Variants in RNH1 observed in about 807,000 individuals in gnomAD.
The protein encoded by RNH1 is ribonuclease inhibitor.
In RNH1, 38 loss-of-function variants were observed where a neutral mutation model predicts 46.1. The observed-to-expected ratio is 0.82, with a 90% CI of 0.64 to 1.08. The LOEUF is 1.08. Among genes scored for constraint, RNH1 ranks in the 50% least tolerant of loss-of-function variants. The probability of loss-of-function intolerance (pLI) is 0.00; values close to 1 mark genes in which losing one functional copy is unlikely to be tolerated. For synonymous variants in RNH1, 319 were observed against 279.1 expected (o/e 1.14, Z -1.43); for missense variants, 577 against 590.7 (o/e 0.98, Z 0.24).
At position 499,044 on chromosome 11, in the gene RNH1, C is replaced by T. The variant is rs1274675177; in HGVS notation, c.585G>A (p.Lys195=). 6.2e-7 allele frequency: 1 copy of T among 1,613,164 alleles called. No individual in the cohort carries two copies. Among genetic ancestry groups the T allele is most frequent in the Non-Finnish European group, 8.5e-7 (1 of 1,179,962 alleles). Residue 195 remains lysine (K), a synonymous_variant, in exon 6 of 11, where the codon AAG becomes AAA. Coordinates refer to ENST00000354420, the MANE Select transcript of RNH1 (RefSeq NM_203387.3). The stretch of plus-strand genomic sequence containing the variant: ...GCGCCTCCAGCTGGCAGGGGGAGTC[C>T]TTCAGGCCCTGGCACAGCACACGGA... ...AGVRVLCQGL[K]DSPCQLEALK...
intron 10 of RNH1, 26 bp from the exon 11 acceptor site, chr11:494,804 T>A (rs763030920): frequency 6.2e-7 from 1 of 1,612,828 alleles, no homozygotes; most frequent in Non-Finnish European, 8.5e-7. Context: ...AAGGGAGGCA[T>A]GGGCCCGTGT....
At chr11:495,548 C>T (rs1468491920) in intron 9 of RNH1, among the ~76,000 whole-genome samples, 1 of 152,184 alleles carries the variant, frequency 6.6e-6, no homozygotes, top group Non-Finnish European at 1.5e-5. Flanking sequence ...CACCCACTTC[C>T]CGGGGTGGAG....
At position 494,885 on chromosome 11, in the gene RNH1, C is replaced by G. The variant is rs752282410; in HGVS notation, c.1296G>C (p.Leu432=). The change falls in exon 10 of 11, where the codon CTG becomes CTC. Residue 432 remains leucine (L), a splice_region_variant and synonymous_variant. Transcript: ENST00000354420. ...ACCCGCCCAGCGCGTGCACATACAC[C>G]AGCTGCTCCAGGAGGCAGCCCGGCT... The part of the protein sequence containing the change: ...VRQPGCLLEQ[L]VLYDIYWSEE... The G allele has an allele frequency of 6.2e-7, 1 of 1,612,032 alleles. No homozygotes were observed. Among genetic ancestry groups the G allele is most frequent in the Non-Finnish European group, 8.5e-7 (1 of 1,179,444 alleles).
rs756445384 is a variant in RNH1 at position 500,840 on chromosome 11, C to T, written c.102-186G>A. 376 of 774,364 alleles carry T rather than the reference C, an allele frequency of 4.9e-4. 2 individuals carry two copies. The highest frequency in any genetic ancestry group is 1.0e-4 in the Admixed American group (5 of 49,854). 48.0% of individuals were successfully genotyped at this position (774,364 alleles called of 1,614,324 possible). On this transcript the variant is annotated intron_variant, in intron 3 of 10. Coordinates refer to ENST00000354420, the MANE Select transcript of RNH1 (RefSeq NM_203387.3). Reference sequence around the variant, plus strand: ...CCATGAAAGTTTTGTTTAAGATGCTCGCACGTGGCCAGGCGCGGTGGCTCA... The same window carrying T: ...CCATGAAAGTTTTGTTTAAGATGCTTGCACGTGGCCAGGCGCGGTGGCTCA...
intron 9 of RNH1, among the ~76,000 whole-genome samples, chr11:496,050 TC>T (rs71462085): frequency 0.091 from 13,804 of 151,806 alleles, 853 homozygotes; most frequent in Admixed American, 0.17. Context: ...CCACAAGACA[TC>T]AGGACAGGCT....
In RNH1 at chr11:495,048, G is replaced by A. The variant is rs867719923; in HGVS notation, c.1133C>T (p.Ala378Val). The A allele has an allele frequency of 2.5e-6, 4 of 1,603,486 alleles. No individual in the cohort carries two copies. The highest frequency in any genetic ancestry group is 2.2e-5 in the East Asian group (1 of 44,566). ...GCTGCTGTCACTCACATCGCAGTCG[G>A]CCAACCTGGGTGAAGCAGGGCGGGG... Reference protein sequence around the residue: ...PGSVLRVLWLADCDVSDSSCS... With the variant: ...PGSVLRVLWLVDCDVSDSSCS... The change falls in exon 10 of 11, where the codon GCC becomes GTC. Residue 378 changes from alanine to valine, a missense_variant. Ala to Val is a moderately conservative substitution (Grantham distance 64). Coordinates refer to ENST00000354420, the MANE Select transcript of RNH1 (RefSeq NM_203387.3).
intron 9 of RNH1, among the ~76,000 whole-genome samples, chr11:496,884 G>A (rs991146857): frequency 5.9e-5 from 9 of 152,272 alleles, no homozygotes; most frequent in South Asian, 2.1e-4. Flanking sequence ...GGTGGGCGGG[G>A]CTTCCAGGAA....
At chr11:506,514 C>G (rs1233418383) in intron 1 of RNH1, 2 of 152,220 alleles carry the variant, frequency 1.3e-5, no homozygotes, top group Non-Finnish European at 1.5e-5. Flanking sequence ...GCTTCGCGGC[C>G]CGGCGTCCGG....
rs1219447433 is a variant in RNH1 at position 502,713 on chromosome 11, A to C, written c.-87-464T>G. On this transcript the variant is annotated intron_variant, in intron 2 of 10. Transcript: ENST00000354420. The surrounding 1 kb of genome is among the most constrained non-coding windows in gnomAD (Gnocchi z 5.8). ...ACCTCCCAGGATGCCAGGATCCTGG[A>C]CCCGGCCACAGTGTCCGAAGCAAGA... The C allele has an allele frequency of 1.2e-5, 2 of 162,458 alleles. No individual in the cohort carries two copies. The highest frequency in any genetic ancestry group is 2.7e-5 in the Non-Finnish European group (2 of 73,348). 10.1% of individuals were successfully genotyped at this position (162,458 alleles called of 1,614,324 possible).
intron 4 of RNH1, 109 bp from the exon 5 acceptor site, chr11:500,108 C>A (rs1849606332): frequency 1.6e-6 from 2 of 1,264,164 alleles, no homozygotes; most frequent in Non-Finnish European, 2.1e-6. Context: ...CAGGTCTATA[C>A]CTGCTCCTTC....
In RNH1 at chr11:502,913, A is replaced by C. The variant is rs1419421911; in HGVS notation, c.-87-664T>G. 1 of 152,392 alleles carries C rather than the reference A, an allele frequency of 6.6e-6. No individual in the cohort carries two copies. Among genetic ancestry groups the C allele is most frequent in the Non-Finnish European group, 1.5e-5 (1 of 68,210 alleles). 9.4% of individuals were successfully genotyped at this position (152,392 alleles called of 1,614,324 possible). A position where few individuals can be genotyped will look rare whatever the true frequency, so the allele number is the denominator to read the frequency against. On this transcript the variant is annotated intron_variant, in intron 2 of 10. Transcript: ENST00000354420. The surrounding 1 kb of genome is among the most constrained non-coding windows in gnomAD (Gnocchi z 5.8). Reference sequence around the variant, plus strand: ...GATGGGCACAGCTGCTACACCCTGAAGCCTCCCCAGGCACAGGCCCTGAAT... The same window carrying C: ...GATGGGCACAGCTGCTACACCCTGACGCCTCCCCAGGCACAGGCCCTGAAT...
rs1047569798 is a variant in RNH1 at position 507,175 on chromosome 11, C to G, written c.-323G>C. The stretch of plus-strand genomic sequence containing the variant: ...CCAGAGCGAGACGGCCTACTTCGTT[C>G]TCGAGCCAGCAGAACGGGTTGAACG... On this transcript the variant is annotated 5_prime_UTR_variant, in exon 1 of 11. Transcript: ENST00000354420. The G allele has an allele frequency of 6.6e-6, 1 of 152,240 alleles. No individual in the cohort carries two copies. Among genetic ancestry groups the G allele is most frequent in the Non-Finnish European group, 1.5e-5 (1 of 68,068 alleles). The allele number at this position is 152,240 out of a possible 1,614,324, so 9.4% of individuals were successfully genotyped here. A position where few individuals can be genotyped will look rare whatever the true frequency, so the allele number is the denominator to read the frequency against.
chr11:506,391 C>T (rs973725740), intron 1 of RNH1: 1 of 152,274 alleles, frequency 6.6e-6, no homozygotes, highest in Non-Finnish European at 1.5e-5. Flanking sequence ...CCCAGTAACA[C>T]GACGTGCCTG....
rs1453813619 is a variant in RNH1, at chr11:494,666, A to T, written c.*25T>A. ...AGGGTTGCCTCGAGGCCGGTCGTCC[A>T]GGGAGAGCAGCAGCAGGAAGAGCCT... On this transcript the variant is annotated 3_prime_UTR_variant, in exon 11 of 11. Coordinates refer to ENST00000354420, the MANE Select transcript of RNH1 (RefSeq NM_203387.3). 1 of 1,610,086 alleles carries T rather than the reference A, an allele frequency of 6.2e-7. No homozygotes were observed. The highest frequency in any genetic ancestry group is 2.2e-5 in the East Asian group (1 of 44,846).
At chr11:497,232 C>G (rs528833677) in intron 9 of RNH1, among the ~76,000 whole-genome samples, 7 of 148,356 alleles carry the variant, frequency 4.7e-5, no homozygotes. Context: ...CGCCCATGTG[C>G]TCACACACGG....
In RNH1 at chr11:499,947, G is replaced by A. The variant is rs1590743743; in HGVS notation, c.325C>T (p.Leu109=). The stretch of plus-strand genomic sequence containing the variant: ...TCCTGCAGGGTGGGCAGGGTGCGTA[G>A]TGTGCTGGACAGGACCCCGCAGCCG... The part of the protein sequence containing the change: ...GAGCGVLSST[L]RTLPTLQELH... The change falls in exon 5 of 11, where the codon CTA becomes TTA. Residue 109 remains leucine, a synonymous_variant. Coordinates refer to ENST00000354420, the MANE Select transcript of RNH1 (RefSeq NM_203387.3). 1.2e-6 allele frequency: 2 copies of A among 1,610,190 alleles called. No homozygotes were observed. Among genetic ancestry groups the A allele is most frequent in the Non-Finnish European group, 8.5e-7 (1 of 1,178,842 alleles).
In RNH1 at chr11:499,965, C is replaced by A. The variant is rs145799355; in HGVS notation, c.307G>T (p.Gly103Trp). 1 of 1,595,648 alleles carries A rather than the reference C, an allele frequency of 6.3e-7. No homozygotes were observed. The highest frequency in any genetic ancestry group is 8.5e-7 in the Non-Finnish European group (1 of 1,172,202). ...GTGCGTAGTGTGCTGGACAGGACCC[C>A]GCAGCCGGCCCCCGTCAGGCAGCAG... ...QNCCLTGAGC[G>W]VLSSTLRTLP... The change falls in exon 5 of 11, where the codon GGG becomes TGG. Residue 103 changes from glycine (G) to tryptophan (W), a missense_variant. Transcript: ENST00000354420.
chr11:498,585 C>T lies in RNH1; in HGVS notation c.828G>A (p.Leu276=). 1 of 1,612,978 alleles carries T rather than the reference C, an allele frequency of 6.2e-7. No homozygotes were observed. Among genetic ancestry groups the T allele is most frequent in the Non-Finnish European group, 8.5e-7 (1 of 1,180,036 alleles). ...TCTCCTTGGCCCTGAGGACACGGCA[C>T]AGATCCCCGCAGCCCTTGGCAGTGA... ...CGITAKGCGD[L]CRVLRAKESL... Residue 276 remains leucine (L), a synonymous_variant, in exon 8 of 11, where the codon CTG becomes CTA. Transcript: ENST00000354420.
At chr11:496,320 G>A (rs1849051967) in intron 9 of RNH1, among the ~76,000 whole-genome samples, 1 of 152,066 alleles carries the variant, frequency 6.6e-6, no homozygotes, top group Non-Finnish European at 1.5e-5. Flanking sequence ...CATCACTTGA[G>A]GTCAATAGTT....
Sources: gnomAD v4.1 joint callset for allele counts (sites outside exome capture counted in the v4.1 genomes callset) on GRCh38, gnomAD v4.1.1 for gene constraint, Gnocchi (gnomAD v3.1) non-coding constraint, MANE v1.5 for transcripts, NCBI Gene and HGNC (gene_info 2026-07-23, HGNC 2026-07-21) for gene names.